The following HMOX1 variants were observed in gnomAD, a reference collection of about 807,000 sequenced individuals.
The protein encoded by HMOX1 is heme oxygenase 1.
HMOX1 carries 22 observed loss-of-function variants against 27.8 expected under a neutral mutation model. The observed-to-expected ratio is 0.79, with a 90% confidence interval of 0.57 to 1.13. HMOX1 has a LOEUF of 1.13. HMOX1 is among the 50% of genes most tolerant of loss of function. The pLI is 0.00. For missense variants in HMOX1, 379 were observed against 377.7 expected, an observed-to-expected ratio of 1.00 and a Z score of -0.03; for synonymous variants, 153 against 151.6, an observed-to-expected ratio of 1.01 and a Z score of -0.07.
intron 3 of HMOX1, among the ~76,000 whole-genome samples, chr22:35,389,395 C>CTTCCTTCCTTT: frequency 1.9e-5 from 1 of 51,812 alleles, no homozygotes; most frequent in African/African-American, 1.2e-4. Flanking sequence ...TTCCTTCCTT[C>CTTCCTTCCTTT]CTTTCTTTCT....
At chr22:35,389,209 CTT>C (rs764982113) in intron 3 of HMOX1, among the ~76,000 whole-genome samples, 7 of 126,636 alleles carry the variant, frequency 5.5e-5, no homozygotes, top group East Asian at 2.3e-4. Context: ...TTCTTTCTTT[CTT>C]TCTCTCTTTC....
chr22:35,394,123 C>A lies in HMOX1; in HGVS notation c.*525C>A. On this transcript the variant is annotated 3_prime_UTR_variant, in exon 5 of 5. Transcript: ENST00000216117. ...GGGTTGGGGTGGTTTTTGAGCCATG[C>A]GTGGGTGGGGAGGGAGGTGTTTAAC... 1 of 200,068 alleles carries A rather than the reference C, an allele frequency of 5.0e-6. No individual in the cohort carries two copies. The highest frequency in any genetic ancestry group is 1.0e-5 in the Non-Finnish European group (1 of 95,742). The allele number at this position is 200,068 out of a possible 1,614,324, so 12.4% of individuals were successfully genotyped here.
Position 35,386,883 on chromosome 22 carries a change from G to A in HMOX1, c.343G>A (p.Val115Met), listed in dbSNP as rs779778162. ...CTACACACCAGCCATGCAGCGCTATGTGAAGCGGCTCCACGAGGTGGGGCG... is the reference window on the plus strand; with the variant it reads ...CTACACACCAGCCATGCAGCGCTATATGAAGCGGCTCCACGAGGTGGGGCG... ...IPYTPAMQRY[V>M]KRLHEVGRTE... The change falls in exon 3 of 5, where the codon GTG becomes ATG. Residue 115 changes from valine to methionine, a missense_variant. By Grantham distance (21) the Val-to-Met change is conservative. Coordinates refer to ENST00000216117, the MANE Select transcript of HMOX1 (RefSeq NM_002133.3). 3 of 1,614,026 alleles carry A rather than the reference G, an allele frequency of 1.9e-6. No homozygotes were observed. The highest frequency in any genetic ancestry group is 2.2e-5 in the South Asian group (2 of 91,086).
chr22:35,382,144 C>T (rs1931399285), intron 1 of HMOX1, among the ~76,000 whole-genome samples: 2 of 152,012 alleles, frequency 1.3e-5, no homozygotes, highest in South Asian at 2.1e-4. Context: ...TTGGAGATGC[C>T]GGTTCATGGG....
At chr22:35,389,237 C>CT (rs879194454) in intron 3 of HMOX1, among the ~76,000 whole-genome samples, 4 of 116,176 alleles carry the variant, frequency 3.4e-5, no homozygotes, top group Admixed American at 1.6e-4. Context: ...TTCTTTCTTT[C>CT]TTTTTCTTTC....
intron 4 of HMOX1, among the ~76,000 whole-genome samples, chr22:35,392,332 C>T (rs1237474493): frequency 6.6e-6 from 1 of 152,062 alleles, no homozygotes; most frequent in Non-Finnish European, 1.5e-5. Flanking sequence ...TCTTTTGGAT[C>T]CTTGGTTGCA....
At chr22:35,388,758 C>T (rs2145768363) in intron 3 of HMOX1, among the ~76,000 whole-genome samples, 1 of 151,786 alleles carries the variant, frequency 6.6e-6, no homozygotes, top group Non-Finnish European at 1.5e-5. Flanking sequence ...GATCGCGCCA[C>T]TGCACTCCAG....
At chr22:35,389,231 T>TTCTTTCTTTCTTTCTTTCTTTCTTTC (rs1473345452) in intron 3 of HMOX1, among the ~76,000 whole-genome samples, 3 of 137,138 alleles carry the variant, frequency 2.2e-5, no homozygotes, top group Admixed American at 2.1e-4. Context: ...CTTTCTTTCT[T>TTCTTTCTTTCTTTCTTTCTTTCTTTC]TCTTTCTTTT....
chr22:35,384,042 A>G (rs1171018187), intron 2 of HMOX1, among the ~76,000 whole-genome samples: 1 of 151,910 alleles, frequency 6.6e-6, no homozygotes, highest in East Asian at 1.9e-4. Context: ...TGCAATCTGC[A>G]CCCTCTGCCA....
chr22:35,387,259 T>C lies in HMOX1; in HGVS notation c.636+83T>C, dbSNP rs1931535638. On this transcript the variant is annotated intron_variant, in intron 3 of 4. Transcript: ENST00000216117. ...CCCTTCTCATTGTAGGGGAGGGTGC[T>C]ATAGGTCATGGTTAACACAGGGAAC... The C allele has an allele frequency of 5.6e-5, 86 of 1,540,672 alleles. 1 individual carries two copies. In the South Asian group the frequency reaches 9.4e-4, roughly 17 times the overall value.
At position 35,393,684 on chromosome 22, in the gene HMOX1, C is replaced by T. The variant is rs1184856778; in HGVS notation, c.*86C>T. ...AGAGGGAATTCTCTTGGCTGGCTTC[C>T]TTACCGTGGGCACTGAAGGCTTTCA... On this transcript the variant is annotated 3_prime_UTR_variant, in exon 5 of 5. Coordinates refer to ENST00000216117, the MANE Select transcript of HMOX1 (RefSeq NM_002133.3). 1 of 1,563,934 alleles carries T rather than the reference C, an allele frequency of 6.4e-7. No individual in the cohort carries two copies. The highest frequency in any genetic ancestry group is 1.4e-5 in the African/African-American group (1 of 73,896).
intron 3 of HMOX1, among the ~76,000 whole-genome samples, chr22:35,389,404 C>CT (rs1555901613): frequency 2.2e-5 from 2 of 88,960 alleles, no homozygotes; most frequent in Non-Finnish European, 3.9e-5. Context: ...TCCTTTCTTT[C>CT]TTTCTTTCTT....
rs901617332 is a variant in HMOX1 at position 35,394,083 on chromosome 22, G to A, written c.*485G>A. On this transcript the variant is annotated 3_prime_UTR_variant, in exon 5 of 5. Transcript: ENST00000216117. ...AAATGCAGTATTTTTGTTGTGTTCT[G>A]TTGTTTTTATAGCAGGGTTGGGGTG... 18 of 247,374 alleles carry A rather than the reference G, an allele frequency of 7.3e-5. No individual in the cohort carries two copies. The highest frequency in any genetic ancestry group is 8.8e-5 in the Non-Finnish European group (11 of 124,548). The allele number at this position is 247,374 out of a possible 1,614,324, so 15.3% of individuals were successfully genotyped here.
chr22:35,383,842 G>A (rs536078230), intron 2 of HMOX1, among the ~76,000 whole-genome samples: 68 of 152,264 alleles, frequency 4.5e-4, no homozygotes, highest in African/African-American at 1.5e-3. Flanking sequence ...CTATATGCCA[G>A]GTACTGATTT....
chr22:35,387,126 A>C lies in HMOX1; in HGVS notation c.586A>C (p.Arg196=). ...MNSLEMTPAV[R]QRVIEEAKTA... is the part of the protein sequence containing the mutation. The stretch of plus-strand genomic sequence containing the variant: ...CTCCCTGGAGATGACTCCCGCAGTC[A>C]GGCAGAGGGTGATAGAAGAGGCCAA... Residue 196 remains arginine (R), a synonymous_variant, in exon 3 of 5, where the codon AGG becomes CGG. Coordinates refer to ENST00000216117, the MANE Select transcript of HMOX1 (RefSeq NM_002133.3). The C allele has an allele frequency of 6.2e-7, 1 of 1,613,598 alleles. No homozygotes were observed. Among genetic ancestry groups the C allele is most frequent in the Non-Finnish European group, 8.5e-7 (1 of 1,180,040 alleles).
rs189476013 is a variant in HMOX1, at chr22:35,385,103, G to A, written c.145-1582G>A. Among the ~76,000 whole-genome samples the A allele has an allele frequency of 1.6e-3, 245 of 152,176 alleles. 5 individuals carry two copies. The highest frequency in any genetic ancestry group is 0.012 in the Admixed American group (177 of 15,264). On this transcript the variant is annotated intron_variant, in intron 2 of 4. Coordinates refer to ENST00000216117, the MANE Select transcript of HMOX1 (RefSeq NM_002133.3). ...TTAAACGGGCGTATTAATGTGTAACGGGAGTTAGTGCCCCAAGCCAAGGTA... is the reference window on the plus strand; with the variant it reads ...TTAAACGGGCGTATTAATGTGTAACAGGAGTTAGTGCCCCAAGCCAAGGTA...
At chr22:35,390,879 C>T (rs758170244) in intron 4 of HMOX1, among the ~76,000 whole-genome samples, 4 of 152,242 alleles carry the variant, frequency 2.6e-5, no homozygotes, top group South Asian at 4.1e-4. Flanking sequence ...TAAGAACGAT[C>T]AAGGCTGGCT....
chr22:35,391,586 C>CTTTTTTT lies in HMOX1; in HGVS notation c.736+1642_736+1648dup, dbSNP rs56153278. On this transcript the variant is annotated intron_variant, in intron 4 of 4. Coordinates refer to ENST00000216117, the MANE Select transcript of HMOX1 (RefSeq NM_002133.3). Reference sequence around the variant, plus strand: ...ACAGGTGTGAGCCACCGCGCCCGGCCTTTTTTTTTTTTTTTTTTTTTTTTT... The same window carrying CTTTTTTT: ...ACAGGTGTGAGCCACCGCGCCCGGCCTTTTTTTTTTTTTTTTTTTTTTTTTTTTTTTT... Among the ~76,000 whole-genome samples, 9 of 89,004 alleles carry CTTTTTTT rather than the reference C, an allele frequency of 1.0e-4. 2 individuals carry two copies. Among genetic ancestry groups the CTTTTTTT allele is most frequent in the African/African-American group, 4.0e-4 (7 of 17,712 alleles). The allele number at this position is 89,004 out of a possible 152,430, so 58.4% of individuals were successfully genotyped here.
At chr22:35,391,585 C>CCTT (rs1931723080) in intron 4 of HMOX1, among the ~76,000 whole-genome samples, 1 of 112,464 alleles carries the variant, frequency 8.9e-6, no homozygotes, top group African/African-American at 4.3e-5. Flanking sequence ...CCGCGCCCGG[C>CCTT]CTTTTTTTTT....
Sources: allele counts gnomAD v4.1 joint callset (sites outside exome capture counted in the v4.1 genomes callset), GRCh38; gene constraint gnomAD v4.1.1; transcripts MANE v1.5; gene names NCBI Gene and HGNC (gene_info 2026-07-23, HGNC 2026-07-21).